The following MNAT1 variants were observed in gnomAD, a reference collection of about 807,000 sequenced individuals.
The protein encoded by MNAT1 is CDK-activating kinase assembly factor MAT1.
MNAT1 carries 43 observed loss-of-function variants against 42.0 expected under a neutral mutation model. The ratio of observed to expected loss-of-function variants is 1.02; its 90% CI spans 0.80 to 1.32. The LOEUF (loss-of-function observed/expected upper bound fraction) is 1.32, where lower values mean the gene tolerates loss of function less well. Among genes scored for constraint, MNAT1 ranks in the 40% most tolerant of loss-of-function variants. The pLI is 0.00. For synonymous variants in MNAT1, 118 were observed against 120.0 expected (o/e 0.98, Z 0.11); for missense variants, 306 against 350.4 (o/e 0.87, Z 1.01).
At chr14:60,812,530 A>G (rs953425549) in intron 5 of MNAT1, among the ~76,000 whole-genome samples, 6 of 152,224 alleles carry the variant, frequency 3.9e-5, no homozygotes, top group African/African-American at 1.2e-4. Flanking sequence ...CCAAGCTACA[A>G]GTTAAATCCT....
At chr14:60,819,436 CAT>C (rs1044280349) in intron 6 of MNAT1, among the ~76,000 whole-genome samples, 4 of 150,462 alleles carry the variant, frequency 2.7e-5, no homozygotes, top group African/African-American at 9.8e-5. Context: ...TTAACTTTAA[CAT>C]GTGTTTAATA....
chr14:60,911,179 G>C (rs542175678), intron 7 of MNAT1, among the ~76,000 whole-genome samples: 2 of 151,826 alleles, frequency 1.3e-5, no homozygotes, highest in Admixed American at 1.3e-4. Context: ...TATCCCCTTT[G>C]TCATTTTTTA....
At chr14:60,919,062 A>G (rs2035595436) in intron 7 of MNAT1, among the ~76,000 whole-genome samples, 1 of 151,804 alleles carries the variant, frequency 6.6e-6, no homozygotes, top group African/African-American at 2.4e-5. Context: ...ACACACCGAG[A>G]GAGACAGACA....
chr14:60,870,717 A>T lies in MNAT1; in HGVS notation c.688-8997A>T, dbSNP rs4151285. The stretch of plus-strand genomic sequence containing the variant: ...GGATTGATTTAAACCACCATCTTAA[A>T]CTCTTTATTTTTAATAGCTTTATCA... On this transcript the variant is annotated intron_variant, in intron 6 of 7. Coordinates refer to ENST00000261245, the MANE Select transcript of MNAT1 (RefSeq NM_002431.4). 5.4e-3 allele frequency among the ~76,000 whole-genome samples: 818 copies of T among 152,114 alleles called. 53 individuals are homozygous for T. In the East Asian group the frequency reaches 0.14, roughly 26 times the overall value.
chr14:60,816,152 G>A (rs565025645), intron 5 of MNAT1, among the ~76,000 whole-genome samples: 2 of 151,780 alleles, frequency 1.3e-5, no homozygotes, highest in Non-Finnish European at 2.9e-5. Context: ...CCTGTTTTTG[G>A]TTCTGGTCTT....
At chr14:60,876,673 C>CT (rs1222537497) in intron 6 of MNAT1, among the ~76,000 whole-genome samples, 5 of 152,010 alleles carry the variant, frequency 3.3e-5, no homozygotes, top group African/African-American at 1.2e-4. Flanking sequence ...GAGTCATATA[C>CT]TTTTTGTCCT....
At chr14:60,918,459 C>T (rs571779514) in intron 7 of MNAT1, among the ~76,000 whole-genome samples, 10 of 151,130 alleles carry the variant, frequency 6.6e-5, no homozygotes, top group African/African-American at 1.9e-4. Flanking sequence ...CCACCCACCT[C>T]GGCCTCCCAA....
At chr14:60,930,637 C>T (rs573596360) in intron 7 of MNAT1, among the ~76,000 whole-genome samples, 1 of 152,270 alleles carries the variant, frequency 6.6e-6, no homozygotes, top group African/African-American at 2.4e-5. Context: ...CATTCAACTT[C>T]ATTTTAAAGG....
At chr14:60,931,954 A>C (rs1264115828) in intron 7 of MNAT1, among the ~76,000 whole-genome samples, 1 of 151,892 alleles carries the variant, frequency 6.6e-6, no homozygotes, top group East Asian at 1.9e-4. Context: ...TAAGTGTGTT[A>C]TTTGTCCATT....
At chr14:60,908,934 C>T (rs376507712) in intron 7 of MNAT1, among the ~76,000 whole-genome samples, 15 of 152,308 alleles carry the variant, frequency 9.8e-5, no homozygotes, top group Admixed American at 5.2e-4. Flanking sequence ...TTTACAGTCC[C>T]ACCAACAGTG....
chr14:60,861,620 T>C (rs2034097203), intron 6 of MNAT1, among the ~76,000 whole-genome samples: 2 of 152,198 alleles, frequency 1.3e-5, no homozygotes, highest in Non-Finnish European at 2.9e-5. Flanking sequence ...CACTTGCTAT[T>C]AATGAAAAAA....
intron 6 of MNAT1, among the ~76,000 whole-genome samples, chr14:60,846,687 T>A (rs558500929): frequency 2.5e-4 from 38 of 152,338 alleles, no homozygotes; most frequent in Non-Finnish European, 5.0e-4. Context: ...TTGTTCTAAT[T>A]TAATTCCACT....
chr14:60,846,383 A>G (rs1594798394), intron 6 of MNAT1, among the ~76,000 whole-genome samples: 1 of 152,038 alleles, frequency 6.6e-6, no homozygotes, highest in East Asian at 1.9e-4. Flanking sequence ...CTTGGTTTTA[A>G]GAATTTTTAA....
chr14:60,867,058 G>A (rs116966058), intron 6 of MNAT1, among the ~76,000 whole-genome samples: 1,719 of 152,168 alleles, frequency 0.011, 20 homozygotes, highest in Non-Finnish European at 0.02. Flanking sequence ...ATTTTGATGA[G>A]TTTCCAGGGC....
intron 3 of MNAT1, among the ~76,000 whole-genome samples, chr14:60,807,997 A>G (rs2032428539): frequency 6.6e-6 from 1 of 152,118 alleles, no homozygotes; most frequent in Admixed American, 6.5e-5. Flanking sequence ...TTTATATTAA[A>G]AAAATTTAAA....
chr14:60,829,684 G>A (rs1251084541), intron 6 of MNAT1, among the ~76,000 whole-genome samples: 2 of 152,112 alleles, frequency 1.3e-5, no homozygotes, highest in Non-Finnish European at 2.9e-5. Context: ...TTCTATGAGT[G>A]GTGGGAAGCT....
chr14:60,802,706 T>C (rs867572949), intron 3 of MNAT1, among the ~76,000 whole-genome samples: 1 of 152,158 alleles, frequency 6.6e-6, no homozygotes, highest in African/African-American at 2.4e-5. Context: ...TAGGCAAAGA[T>C]AAATTCAAAT....
At chr14:60,939,931 A>G (rs905003235) in intron 7 of MNAT1, among the ~76,000 whole-genome samples, 31 of 152,118 alleles carry the variant, frequency 2.0e-4, no homozygotes, top group African/African-American at 7.2e-4. Context: ...TTGGGTGCAT[A>G]TATATTTAGG....
rs562459967 is a variant in MNAT1, at chr14:60,761,784, G to C, written c.89+26833G>C. Among the ~76,000 whole-genome samples, 190 of 152,206 alleles carry C rather than the reference G, an allele frequency of 1.2e-3. 1 individual carries two copies. Among genetic ancestry groups the C allele is most frequent in the African/African-American group, 4.4e-3 (181 of 41,530 alleles). ...TCTTATCTTTTGCCCTAGTAATTAG[G>C]TTTCTTTCCTTATCAAGTGTAACAC... On this transcript the variant is annotated intron_variant, in intron 1 of 7. Transcript: ENST00000261245.
Sources: gnomAD v4.1 joint callset for allele counts (sites outside exome capture counted in the v4.1 genomes callset) on GRCh38, gnomAD v4.1.1 for gene constraint, MANE v1.5 for transcripts, NCBI Gene and HGNC (gene_info 2026-07-23, HGNC 2026-07-21) for gene names.